Variants in CCND3 observed in about 807,000 individuals in gnomAD.
The protein encoded by CCND3 is G1/S-specific cyclin-D3.
CCND3 carries 9 observed loss-of-function variants against 28.7 expected under a neutral mutation model. The ratio of observed to expected loss-of-function variants is 0.31; its 90% CI spans 0.19 to 0.55. The LOEUF is 0.55. Ranked by LOEUF, CCND3 falls within the 20% of genes least tolerant of loss-of-function variation. CCND3 has a pLI of 0.93. For missense variants in CCND3, 315 were observed against 385.8 expected, an observed-to-expected ratio of 0.82 and a Z score of 1.54; for synonymous variants, 164 against 163.9, an observed-to-expected ratio of 1.00 and a Z score of 0.00.
chr6:42,001,813 A>T (rs1763019971), intron 1 of CCND3, among the ~76,000 whole-genome samples: 1 of 152,140 alleles, frequency 6.6e-6, no homozygotes, highest in African/African-American at 2.4e-5. Flanking sequence ...GTGAATGTTT[A>T]CATTTGTCAA....
At chr6:42,034,142 C>A (rs1173412124) in intron 1 of CCND3, among the ~76,000 whole-genome samples, 1 of 151,064 alleles carries the variant, frequency 6.6e-6, no homozygotes, top group Non-Finnish European at 1.5e-5. Flanking sequence ...AGAGCAAGAC[C>A]CTGTCTTTTT....
Position 41,941,619 on chromosome 6 carries a change from G to A in CCND3, c.31C>T (p.His11Tyr). ...GGGTCCGGCCCGGCCCGGGGCGCGT[G>A]CCGGGTGCCTTCGCAACACAGCAGC... MELLCCEGTR[H>Y]APRAGPDPRL... Residue 11 changes from histidine (H) to tyrosine (Y), a missense_variant, in exon 1 of 5, where the codon CAC (histidine) becomes TAC (tyrosine). By Grantham distance (83) the His-to-Tyr change is moderately conservative. Coordinates refer to ENST00000372991, the MANE Select transcript of CCND3 (RefSeq NM_001760.5). This position sits in a 1 kb window ranked among gnomAD's most constrained non-coding sequence, Gnocchi z 6.1. 3 of 1,519,064 alleles carry A rather than the reference G, an allele frequency of 2.0e-6. No individual in the cohort carries two copies. Among genetic ancestry groups the A allele is most frequent in the South Asian group, 1.2e-5 (1 of 82,448 alleles). The allele number at this position is 1,519,064 out of a possible 1,614,324, so 94.1% of individuals were successfully genotyped here.
At chr6:42,036,351 G>T (rs1287269510) in intron 1 of CCND3, among the ~76,000 whole-genome samples, 3 of 106,168 alleles carry the variant, frequency 2.8e-5, no homozygotes, top group South Asian at 3.0e-4. Context: ...CCTTGCTCTT[G>T]TTGCCCAGGC....
intron 1 of CCND3, among the ~76,000 whole-genome samples, chr6:41,980,752 G>A (rs987126461): frequency 3.3e-5 from 5 of 152,094 alleles, no homozygotes; most frequent in South Asian, 2.1e-4. Flanking sequence ...AATGTAATCC[G>A]CCACATCAAT....
chr6:41,942,616 A>C (rs1208762561), upstream of CCND3, among the ~76,000 whole-genome samples: 1 of 152,150 alleles, frequency 6.6e-6, no homozygotes, highest in Non-Finnish European at 1.5e-5. Flanking sequence ...GAAACTGTGG[A>C]CGGAGAAACT....
chr6:41,950,575 T>A (rs954568289), intron 1 of CCND3, among the ~76,000 whole-genome samples: 6 of 152,292 alleles, frequency 3.9e-5, no homozygotes, highest in African/African-American at 1.2e-4. Flanking sequence ...AGGCTCATAG[T>A]AGGTGGTCAA....
intron 1 of CCND3, among the ~76,000 whole-genome samples, chr6:42,040,307 A>G (rs1764332425): frequency 6.6e-6 from 1 of 152,178 alleles, no homozygotes; most frequent in South Asian, 2.1e-4. Context: ...AATCCCAGCT[A>G]CTTAGGAGGC....
intron 1 of CCND3, among the ~76,000 whole-genome samples, chr6:42,042,169 G>T (rs1422253767): frequency 1.3e-5 from 2 of 152,190 alleles, no homozygotes; most frequent in Non-Finnish European, 2.9e-5. Flanking sequence ...GGTGAGGAAA[G>T]AAACCAGGGC....
At chr6:41,982,265 C>T (rs1181227270) in intron 1 of CCND3, among the ~76,000 whole-genome samples, 1 of 35,954 alleles carries the variant, frequency 2.8e-5, no homozygotes, top group African/African-American at 1.0e-4. Flanking sequence ...CAGAGTGAGA[C>T]TCCATCTCAA....
intron 1 of CCND3, among the ~76,000 whole-genome samples, chr6:41,972,190 T>C (rs1442734764): frequency 1.5e-5 from 2 of 137,030 alleles, no homozygotes; most frequent in Non-Finnish European, 1.5e-5. Context: ...ATCGCGCCAC[T>C]GCACTGCAGC....
In CCND3 at chr6:42,028,988, C is replaced by T. The variant is rs74861368; in HGVS notation, c.-46+19513G>A. Among the ~76,000 whole-genome samples, 480 of 110,720 alleles carry T rather than the reference C, an allele frequency of 4.3e-3. 9 individuals are homozygous for T. Among genetic ancestry groups the T allele is most frequent in the African/African-American group, 0.015 (459 of 30,190 alleles). The allele number at this position is 110,720 out of a possible 152,430, so 72.6% of individuals were successfully genotyped here. A position where few individuals can be genotyped will look rare whatever the true frequency, so the allele number is the denominator to read the frequency against. On this transcript the variant is annotated intron_variant, in intron 1 of 4. Coordinates refer to the CCND3 transcript ENST00000372988. ...TTGAAACGGTTTTTTTTTTTTTTTC[C>T]TAAGAGACAGGGTCTCACTCTGTTG... is the stretch of plus-strand genomic sequence containing the variant.
At chr6:42,040,227 G>A (rs1209558626) in intron 1 of CCND3, among the ~76,000 whole-genome samples, 2 of 151,966 alleles carry the variant, frequency 1.3e-5, no homozygotes, top group African/African-American at 4.8e-5. Flanking sequence ...AGACCAGCCT[G>A]GACAACATGA....
At chr6:41,967,587 C>G (rs1411645418) in intron 1 of CCND3, among the ~76,000 whole-genome samples, 2 of 152,204 alleles carry the variant, frequency 1.3e-5, no homozygotes, top group Non-Finnish European at 2.9e-5. Context: ...GCTAATTCAA[C>G]GCTTCCGGGT....
chr6:41,936,133 A>G lies in CCND3; in HGVS notation c.712-26T>C, dbSNP rs1316468556. 34 of 1,546,160 alleles carry G rather than the reference A, an allele frequency of 2.2e-5. No homozygotes were observed. The highest frequency in any genetic ancestry group is 2.7e-5 in the African/African-American group (2 of 73,072). On this transcript the variant is annotated intron_variant, in intron 4 of 4. Coordinates refer to ENST00000372991, the MANE Select transcript of CCND3 (RefSeq NM_001760.5). This position sits in a 1 kb window ranked among gnomAD's most constrained non-coding sequence, Gnocchi z 4.4. ...CTGGGAACATGGGAGAAGAGTGAGG[A>G]GCAAACACTCCCCCCATAGCATCTG...
At chr6:41,991,412 T>C (rs1354411870) in intron 1 of CCND3, among the ~76,000 whole-genome samples, 1 of 152,220 alleles carries the variant, frequency 6.6e-6, no homozygotes, top group Non-Finnish European at 1.5e-5. Context: ...CACAAAATAA[T>C]ACTCCATTGT....
At position 41,990,773 on chromosome 6, in the gene CCND3, G is replaced by A. The variant is rs545786763; in HGVS notation, c.-45-50188C>T. Among the ~76,000 whole-genome samples the A allele has an allele frequency of 5.3e-4, 78 of 146,632 alleles. No individual in the cohort carries two copies. The East Asian group carries it at 8.6e-3, about 16-fold the overall frequency. On this transcript the variant is annotated intron_variant, in intron 1 of 4. Transcript: ENST00000372988. Reference sequence around the variant, plus strand: ...CTCAGCTCCCTGCACCTCTGCCTCCGGAGTTCAAGTGATTATCCTGCCTCA... The same window carrying A: ...CTCAGCTCCCTGCACCTCTGCCTCCAGAGTTCAAGTGATTATCCTGCCTCA...
At chr6:41,980,481 T>C (rs934341562) in intron 1 of CCND3, among the ~76,000 whole-genome samples, 1 of 149,714 alleles carries the variant, frequency 6.7e-6, no homozygotes, top group African/African-American at 2.5e-5. Flanking sequence ...ATTATACAAA[T>C]TCTCTACAAA....
intron 1 of CCND3, among the ~76,000 whole-genome samples, chr6:42,039,916 C>T (rs1582192484): frequency 6.6e-6 from 1 of 152,348 alleles, no homozygotes; most frequent in African/African-American, 2.4e-5. Flanking sequence ...TCTGGGCTTG[C>T]CCGGGGGGAT....
At chr6:41,978,269 G>A (rs35132349) in intron 1 of CCND3, among the ~76,000 whole-genome samples, 1,696 of 151,980 alleles carry the variant, frequency 0.011, 6 homozygotes, top group Admixed American at 0.018. Flanking sequence ...AGCTACTCGG[G>A]AGGCTGAGGC....
Sources: allele counts gnomAD v4.1 joint callset (sites outside exome capture counted in the v4.1 genomes callset), GRCh38; gene constraint gnomAD v4.1.1; non-coding constraint Gnocchi (gnomAD v3.1); transcripts MANE v1.5; gene names NCBI Gene and HGNC (gene_info 2026-07-23, HGNC 2026-07-21).